The following KLF13 variants were observed in gnomAD, a reference collection of about 807,000 sequenced individuals.
KLF13 encodes the protein Krueppel-like factor 13.
A neutral mutation model predicts 16.7 loss-of-function variants in KLF13; 8 were observed. The observed-to-expected ratio is 0.48, with a 90% CI of 0.28 to 0.87. KLF13 has a LOEUF of 0.87. Among genes scored for constraint, KLF13 ranks in the 40% least tolerant of loss-of-function variants. KLF13 has a pLI of 0.10. For missense variants in KLF13, 447 were observed against 452.2 expected (o/e 0.99, Z 0.10); for synonymous variants, 245 against 208.4 (o/e 1.18, Z -1.51).
At chr15:31,370,044 CTTTTTTTTTTTTTTT>C (rs912005994) in intron 1 of KLF13, among the ~76,000 whole-genome samples, 10 of 99,302 alleles carry the variant, frequency 1.0e-4, no homozygotes, top group African/African-American at 3.8e-5. Flanking sequence ...TCTCCTTTTT[CTTTTTTTTTTTTTTT>C]TTTTTTTACT....
At chr15:31,435,275 TAGG>T (rs2040516594) in intron 1 of KLF13, 1 of 152,176 alleles carries the variant, frequency 6.6e-6, no homozygotes, top group African/African-American at 2.4e-5. Context: ...TGAGAATGAC[TAGG>T]AGAAGGGTCT....
intron 2 of KLF13, among the ~76,000 whole-genome samples, chr15:31,398,028 T>TC (rs1169517127): frequency 6.6e-6 from 1 of 152,092 alleles, no homozygotes; most frequent in Non-Finnish European, 1.5e-5. Context: ...TTTTACGCAG[T>TC]CCGGGGCCAG....
chr15:31,371,886 G>A, intron 1 of KLF13, 124 bp from the exon 2 acceptor site: 1 of 1,089,662 alleles, frequency 9.2e-7, no homozygotes, highest in South Asian at 1.6e-5. Context: ...AGAAGCTCTT[G>A]GAGGTGGGGC....
intron 2 of KLF13, among the ~76,000 whole-genome samples, chr15:31,400,800 G>C (rs1261297240): frequency 6.6e-6 from 1 of 152,164 alleles, no homozygotes; most frequent in Non-Finnish European, 1.5e-5. Flanking sequence ...CCTCGGACCA[G>C]AGTCAGTTGT....
At chr15:31,406,799 C>T (rs1288801877), downstream of KLF13, among the ~76,000 whole-genome samples, 1 of 152,118 alleles carries the variant, frequency 6.6e-6, no homozygotes, top group Non-Finnish European at 1.5e-5. Flanking sequence ...TCAGTGTATC[C>T]TCTTTAGATC....
At chr15:31,370,384 C>T (rs1326734345) in intron 1 of KLF13, among the ~76,000 whole-genome samples, 2 of 151,640 alleles carry the variant, frequency 1.3e-5, no homozygotes, top group Non-Finnish European at 2.9e-5. Flanking sequence ...GTTTTATATG[C>T]ACACAATGCT....
chr15:31,338,144 T>C (rs2140936517), intron 1 of KLF13, among the ~76,000 whole-genome samples: 1 of 152,332 alleles, frequency 6.6e-6, no homozygotes, highest in East Asian at 1.9e-4. Context: ...TTGGACAAAT[T>C]GTATCATTCT....
At chr15:31,381,619 G>C (rs1283834985), downstream of KLF13, among the ~76,000 whole-genome samples, 1 of 152,146 alleles carries the variant, frequency 6.6e-6, no homozygotes, top group East Asian at 1.9e-4. Flanking sequence ...GGCAGCTTAG[G>C]CTGCAGGGCT....
At chr15:31,402,795 T>C (rs572197852) in intron 2 of KLF13, among the ~76,000 whole-genome samples, 1 of 152,270 alleles carries the variant, frequency 6.6e-6, no homozygotes, top group African/African-American at 2.4e-5. Flanking sequence ...CTGGGATGTG[T>C]AGGCTGTTCT....
At chr15:31,356,323 G>C (rs2039299886) in intron 1 of KLF13, among the ~76,000 whole-genome samples, 1 of 152,192 alleles carries the variant, frequency 6.6e-6, no homozygotes, top group Non-Finnish European at 1.5e-5. Flanking sequence ...GGAGGCCAAG[G>C]TGAATGGATC....
intron 1 of KLF13, among the ~76,000 whole-genome samples, chr15:31,342,661 A>G (rs1418014812): frequency 6.6e-6 from 1 of 152,238 alleles, no homozygotes. Flanking sequence ...TTACAGGAGT[A>G]ATTGCCTTCA....
chr15:31,366,651 T>G (rs1671514632), intron 1 of KLF13: 1 of 143,472 alleles, frequency 7.0e-6, no homozygotes. Context: ...TTGGATTTGT[T>G]TAGGCCATTG....
chr15:31,345,200 G>T (rs1485174170), intron 1 of KLF13, among the ~76,000 whole-genome samples: 1 of 152,200 alleles, frequency 6.6e-6, no homozygotes, highest in African/African-American at 2.4e-5. Flanking sequence ...GTGCTGCATC[G>T]GGCTGGGATT....
chr15:31,327,269 G>C lies in KLF13; in HGVS notation c.57G>C (p.Ser19=). 2.9e-6 allele frequency: 4 copies of C among 1,371,530 alleles called. No homozygotes were observed. The highest frequency in any genetic ancestry group is 3.8e-6 in the Non-Finnish European group (4 of 1,060,976). 85.0% of individuals were successfully genotyped at this position (1,371,530 alleles called of 1,614,324 possible). ...HFAAECLVSM[S]SRAVVHGPRE... ...CCGCCGAGTGCCTCGTGTCCATGTC[G>C]AGCCGCGCGGTCGTGCACGGGCCGC... Residue 19 remains serine (S), a synonymous_variant, in exon 1 of 2, where the codon TCG becomes TCC. Coordinates refer to ENST00000307145, the MANE Select transcript of KLF13 (RefSeq NM_015995.4).
intron 1 of KLF13, among the ~76,000 whole-genome samples, chr15:31,430,311 G>A (rs957066451): frequency 6.6e-5 from 10 of 152,182 alleles, no homozygotes; most frequent in African/African-American, 2.2e-4. Context: ...AGAACAATGA[G>A]TAAAAGGGGA....
At chr15:31,410,812 C>T (rs949919044) in intron 1 of KLF13, among the ~76,000 whole-genome samples, 1 of 151,994 alleles carries the variant, frequency 6.6e-6, no homozygotes, top group Non-Finnish European at 1.5e-5. Context: ...AACAAATACA[C>T]AATTAGGCTG....
chr15:31,425,899 G>A (rs370372835), intron 1 of KLF13, among the ~76,000 whole-genome samples: 22 of 152,232 alleles, frequency 1.4e-4, no homozygotes, highest in Middle Eastern at 3.4e-3. Flanking sequence ...AAATCTAAAT[G>A]CCTTTAACAG....
chr15:31,404,771 C>G (rs551826507), downstream of KLF13: 1 of 152,322 alleles, frequency 6.6e-6, no homozygotes, highest in Non-Finnish European at 1.5e-5. Flanking sequence ...GTAACACTCA[C>G]TGTGAAGGTC....
chr15:31,397,825 G>A (rs1431923012), intron 2 of KLF13, among the ~76,000 whole-genome samples: 2 of 151,284 alleles, frequency 1.3e-5, no homozygotes, highest in Non-Finnish European at 1.5e-5. Context: ...GTCAGAGTTA[G>A]GAGCTGGATG....
Sources: gnomAD v4.1 joint callset for allele counts (sites outside exome capture counted in the v4.1 genomes callset) on GRCh38, gnomAD v4.1.1 for gene constraint, MANE v1.5 for transcripts, NCBI Gene and HGNC (gene_info 2026-07-23, HGNC 2026-07-21) for gene names.